The following SLC39A14 variants were observed in gnomAD, a reference collection of about 807,000 sequenced individuals.
SLC39A14 encodes the protein solute carrier family 39 member 14.
SLC39A14 carries 19 observed loss-of-function variants against 45.5 expected under a neutral mutation model. That is an observed-to-expected ratio of 0.42 (90% CI 0.29 to 0.61). The LOEUF is 0.61. Among genes scored for constraint, SLC39A14 ranks in the 20% least tolerant of loss-of-function variants. The probability of loss-of-function intolerance (pLI) is 0.22; values close to 1 mark genes in which losing one functional copy is unlikely to be tolerated. For missense variants in SLC39A14, 447 were observed against 616.5 expected (o/e 0.73, Z 2.91); for synonymous variants, 264 against 251.3 (o/e 1.05, Z -0.48).
rs1835835414 is a variant in SLC39A14, at chr8:22,415,753, C to T, written c.751-16C>T. 1 of 1,604,832 alleles carries T rather than the reference C, an allele frequency of 6.2e-7. No homozygotes were observed. Among genetic ancestry groups the T allele is most frequent in the Non-Finnish European group, 8.5e-7 (1 of 1,177,692 alleles). ...TTGGTGAATGTCATGCTGATCCCTCCCTGTCACCCTTCCAGCATCATCATG... is the reference window on the plus strand; with the variant it reads ...TTGGTGAATGTCATGCTGATCCCTCTCTGTCACCCTTCCAGCATCATCATG... On this transcript the variant is annotated splice_polypyrimidine_tract_variant and intron_variant, in intron 5 of 8. Transcript: ENST00000381237.
intron 8 of SLC39A14, chr8:22,433,761 C>A (rs1245849575): frequency 1.7e-5 from 3 of 178,694 alleles, no homozygotes; most frequent in Non-Finnish European, 2.4e-5. Flanking sequence ...GCGGTTTCAC[C>A]ATATTGCCCA....
rs529177418 is a variant in SLC39A14, at chr8:22,418,447, C to T, written c.1332+612C>T. ...ACAGAAGAAAGGAAAGAAAATTACGCATAATCATACATCATACTACCCCTA... is the reference window on the plus strand; with the variant it reads ...ACAGAAGAAAGGAAAGAAAATTACGTATAATCATACATCATACTACCCCTA... On this transcript the variant is annotated intron_variant, in intron 8 of 8. Transcript: ENST00000381237. 2.0e-5 allele frequency among the ~76,000 whole-genome samples: 3 copies of T among 152,254 alleles called. No individual in the cohort carries two copies. The East Asian group carries it at 5.8e-4, about 29-fold the overall frequency.
At chr8:22,391,823 C>T (rs905607534) in intron 1 of SLC39A14, among the ~76,000 whole-genome samples, 12 of 152,278 alleles carry the variant, frequency 7.9e-5, no homozygotes, top group African/African-American at 2.6e-4. Flanking sequence ...CTGCCTTGGC[C>T]TCCCAAAGTG....
At chr8:22,373,300 T>G (rs1451821815) in intron 1 of SLC39A14, among the ~76,000 whole-genome samples, 2 of 152,092 alleles carry the variant, frequency 1.3e-5, no homozygotes, top group African/African-American at 2.4e-5. Flanking sequence ...TAACTATATT[T>G]TCCAAAATAA....
At chr8:22,397,432 G>C (rs908919667) in intron 1 of SLC39A14, among the ~76,000 whole-genome samples, 2 of 152,160 alleles carry the variant, frequency 1.3e-5, no homozygotes, top group Non-Finnish European at 2.9e-5. Flanking sequence ...CAAAAAATTA[G>C]CTGGGCGTGG....
At chr8:22,395,009 TTCTC>T in intron 1 of SLC39A14, among the ~76,000 whole-genome samples, 1 of 141,592 alleles carries the variant, frequency 7.1e-6, no homozygotes, top group Non-Finnish European at 1.5e-5. Context: ...CAATTTTCTT[TTCTC>T]TCTTTTTTTT....
rs755199328 is a variant in SLC39A14, at chr8:22,414,827, A to C, written c.675A>C (p.Ala225=). The C allele has an allele frequency of 1.2e-6, 2 of 1,612,996 alleles. No homozygotes were observed. Residue 225 remains alanine (A), a synonymous_variant, in exon 5 of 9, where the codon GCA becomes GCC. Transcript: ENST00000381237. ...AAGATTATTATGTCTCCAAGTCTGC[A>C]GTGGTGTTTGGGGGCTTTTATCTTT... is the stretch of plus-strand genomic sequence containing the variant. ...PLEDYYVSKS[A]VVFGGFYLFF... is the part of the protein sequence containing the mutation.
chr8:22,428,080 C>T (rs1248381441), intron 8 of SLC39A14, among the ~76,000 whole-genome samples: 1 of 152,036 alleles, frequency 6.6e-6, no homozygotes, highest in Non-Finnish European at 1.5e-5. Flanking sequence ...GGGTGGATCA[C>T]CTGAGGTCAG....
At chr8:22,400,710 C>T (rs1406094066) in intron 1 of SLC39A14, among the ~76,000 whole-genome samples, 4 of 152,176 alleles carry the variant, frequency 2.6e-5, no homozygotes, top group Admixed American at 6.5e-5. Flanking sequence ...AGATTCTGTG[C>T]GTGCCCCATA....
chr8:22,407,022 C>T (rs372829975), intron 2 of SLC39A14, among the ~76,000 whole-genome samples: 13 of 152,358 alleles, frequency 8.5e-5, no homozygotes, highest in African/African-American at 2.9e-4. Flanking sequence ...TTCACAGGAA[C>T]GGTTCGTGAG....
At chr8:22,392,648 C>T (rs1053464430) in intron 1 of SLC39A14, among the ~76,000 whole-genome samples, 1 of 152,174 alleles carries the variant, frequency 6.6e-6, no homozygotes, top group African/African-American at 2.4e-5. Context: ...CTGGCCCTGG[C>T]CTCGGGTGGG....
chr8:22,423,450 T>G (rs1294306223), downstream of SLC39A14, among the ~76,000 whole-genome samples: 2 of 151,298 alleles, frequency 1.3e-5, no homozygotes, highest in African/African-American at 4.9e-5. Flanking sequence ...ATTCTCCTGC[T>G]TCAGCCTCCC....
intron 1 of SLC39A14, among the ~76,000 whole-genome samples, chr8:22,378,307 C>CA (rs1833320815): frequency 6.6e-6 from 1 of 152,184 alleles, no homozygotes; most frequent in Admixed American, 6.5e-5. Flanking sequence ...TATCATTTCT[C>CA]AATTCTGTAG....
chr8:22,421,598 T>C lies in SLC39A14; in HGVS notation c.*1900T>C. ...TGTTGTTTTTAAACGGTTCTTTGTC[T>C]TTTCTGTTTTATTTTTCTCAAGCTG... On this transcript the variant is annotated 3_prime_UTR_variant, in exon 9 of 9. Transcript: ENST00000381237. 4.1e-6 allele frequency: 4 copies of C among 985,786 alleles called. No individual in the cohort carries two copies. The highest frequency in any genetic ancestry group is 4.8e-6 in the Non-Finnish European group (4 of 829,842). The allele number at this position is 985,786 out of a possible 1,614,324, so 61.1% of individuals were successfully genotyped here. A position where few individuals can be genotyped will look rare whatever the true frequency, so the allele number is the denominator to read the frequency against.
At position 22,384,744 on chromosome 8, in the gene SLC39A14, T is replaced by TAA. The variant is rs34292650; in HGVS notation, c.-16+17354_-16+17355dup. ...CCTGGGCAACAGAGTGAGACTGTCT[T>TAA]AAAAAAAAAAAAAAAAAAATCTTGG... On this transcript the variant is annotated intron_variant, in intron 1 of 8. Transcript: ENST00000381237. 9.4e-3 allele frequency among the ~76,000 whole-genome samples: 1,098 copies of TAA among 117,270 alleles called. 25 individuals are homozygous for TAA. Among genetic ancestry groups the TAA allele is most frequent in the African/African-American group, 0.026 (787 of 29,944 alleles). 76.9% of individuals were successfully genotyped at this position (117,270 alleles called of 152,430 possible). A position where few individuals can be genotyped will look rare whatever the true frequency, so the allele number is the denominator to read the frequency against.
intron 1 of SLC39A14, among the ~76,000 whole-genome samples, chr8:22,371,368 A>T (rs960504052): frequency 3.3e-5 from 5 of 151,238 alleles, no homozygotes; most frequent in African/African-American, 4.9e-5. Flanking sequence ...AGTAGTTAAT[A>T]AAAAAAATCA....
chr8:22,392,929 C>G (rs1412951359), intron 1 of SLC39A14: 1 of 152,336 alleles, frequency 6.6e-6, no homozygotes, highest in African/African-American at 2.4e-5. Context: ...TCATAACCTC[C>G]TCCCACAGGC....
chr8:22,421,807 T>C lies in SLC39A14; in HGVS notation c.*2109T>C, dbSNP rs897281995. 5 of 984,960 alleles carry C rather than the reference T, an allele frequency of 5.1e-6. No homozygotes were observed. The highest frequency in any genetic ancestry group is 1.2e-4 in the Admixed American group (2 of 16,268). The allele number at this position is 984,960 out of a possible 1,614,324, so 61.0% of individuals were successfully genotyped here. A position where few individuals can be genotyped will look rare whatever the true frequency, so the allele number is the denominator to read the frequency against. ...AGTTAGAGTTAGTGGATTTCTAGTT[T>C]AGGAGAGGAGCTCAAAACTATAATC... On this transcript the variant is annotated 3_prime_UTR_variant, in exon 9 of 9. Coordinates refer to ENST00000381237, the MANE Select transcript of SLC39A14 (RefSeq NM_001128431.4).
At chr8:22,418,149 C>T (rs1271570735) in intron 8 of SLC39A14, among the ~76,000 whole-genome samples, 1 of 152,186 alleles carries the variant, frequency 6.6e-6, no homozygotes, top group African/African-American at 2.4e-5. Context: ...GTGATCCACC[C>T]GCCTCGGCAT....
Sources: allele counts gnomAD v4.1 joint callset (sites outside exome capture counted in the v4.1 genomes callset), GRCh38; gene constraint gnomAD v4.1.1; transcripts MANE v1.5; gene names NCBI Gene and HGNC (gene_info 2026-07-23, HGNC 2026-07-21).